CCDC178: variants seen among roughly 807,000 people sequenced by gnomAD.
CCDC178 encodes coiled-coil domain-containing protein 178.
A neutral mutation model predicts 117.4 loss-of-function variants in CCDC178; 126 were observed. The observed-to-expected ratio is 1.07, with a 90% CI of 0.93 to 1.24. The LOEUF is 1.24. Ranked by LOEUF, CCDC178 falls within the 50% of genes most tolerant of loss-of-function variation. CCDC178 has a pLI of 0.00. For missense variants in CCDC178, 1,030 were observed against 986.9 expected, an observed-to-expected ratio of 1.04 and a Z score of -0.59; for synonymous variants, 283 against 313.4, an observed-to-expected ratio of 0.90 and a Z score of 1.02.
At chr18:33,176,899 C>T (rs1181880126) in intron 20 of CCDC178, among the ~76,000 whole-genome samples, 1 of 152,166 alleles carries the variant, frequency 6.6e-6, no homozygotes, top group Non-Finnish European at 1.5e-5. Flanking sequence ...CTCAATGCTT[C>T]GTCTATGTTT....
At chr18:33,233,959 A>G (rs998043637) in intron 15 of CCDC178, among the ~76,000 whole-genome samples, 19 of 152,152 alleles carry the variant, frequency 1.2e-4, no homozygotes, top group African/African-American at 4.3e-4. Flanking sequence ...GGAAATACTG[A>G]AAAGTCAACT....
chr18:32,980,752 A>G (rs1568195484), intron 21 of CCDC178, among the ~76,000 whole-genome samples: 5 of 152,162 alleles, frequency 3.3e-5, no homozygotes, highest in Admixed American at 2.0e-4. Context: ...TAAAATTCAA[A>G]CTCATCATAT....
intron 14 of CCDC178, among the ~76,000 whole-genome samples, chr18:33,250,244 C>G (rs1456233879): frequency 6.6e-6 from 1 of 151,506 alleles, no homozygotes; most frequent in Non-Finnish European, 1.5e-5. Flanking sequence ...AAAAATAGGA[C>G]AAGTGTAAAG....
chr18:33,190,161 T>G (rs570805157), intron 20 of CCDC178, among the ~76,000 whole-genome samples: 21 of 152,316 alleles, frequency 1.4e-4, no homozygotes, highest in African/African-American at 4.8e-4. Context: ...GTACTTGGCT[T>G]CTTAGAATTT....
At chr18:33,076,262 C>T (rs2057205940) in intron 21 of CCDC178, among the ~76,000 whole-genome samples, 1 of 152,180 alleles carries the variant, frequency 6.6e-6, no homozygotes, top group Admixed American at 6.5e-5. Context: ...CCCAGACATC[C>T]ATGAATGACA....
At chr18:33,225,047 A>G (rs1372109028) in intron 16 of CCDC178, 111 bp from the exon 17 acceptor site, 1 of 577,390 alleles carries the variant, frequency 1.7e-6, no homozygotes, top group Non-Finnish European at 2.6e-6. Context: ...ATCAAATAAT[A>G]CAATAAATGT....
chr18:33,217,875 CTAA>C (rs1348441010), intron 18 of CCDC178, among the ~76,000 whole-genome samples: 1 of 151,964 alleles, frequency 6.6e-6, no homozygotes, highest in Admixed American at 6.6e-5. Context: ...AACTTTACCA[CTAA>C]TGAGTTATGT....
chr18:33,233,627 G>A (rs140839910), intron 15 of CCDC178, among the ~76,000 whole-genome samples: 103 of 151,902 alleles, frequency 6.8e-4, no homozygotes, highest in Middle Eastern at 3.4e-3. Context: ...CACGCTATAG[G>A]AGTATTTTTA....
intron 20 of CCDC178, among the ~76,000 whole-genome samples, chr18:33,102,917 T>C (rs1305905606): frequency 2.6e-5 from 4 of 151,954 alleles, no homozygotes; most frequent in African/African-American, 9.6e-5. Flanking sequence ...TCAGTCTCTT[T>C]TGCTTTACAG....
chr18:33,176,824 T>C (rs1006043804), intron 20 of CCDC178, among the ~76,000 whole-genome samples: 1 of 152,128 alleles, frequency 6.6e-6, no homozygotes, highest in African/African-American at 2.4e-5. Context: ...TTTGAGCTGT[T>C]GACATAGGAG....
chr18:33,199,163 T>C (rs183267805), intron 20 of CCDC178, among the ~76,000 whole-genome samples: 1 of 152,306 alleles, frequency 6.6e-6, no homozygotes, highest in East Asian at 1.9e-4. Flanking sequence ...TACAGACTGC[T>C]ACTTTATTAG....
intron 19 of CCDC178, 39 bp from the exon 20 acceptor site, chr18:33,212,094 C>T (rs912415627): frequency 1.4e-5 from 20 of 1,452,670 alleles, no homozygotes; most frequent in Non-Finnish European, 1.8e-5. Context: ...AATCAATTCA[C>T]ATTTTATTTT....
At chr18:33,152,095 G>A (rs567277053) in intron 20 of CCDC178, among the ~76,000 whole-genome samples, 1 of 152,190 alleles carries the variant, frequency 6.6e-6, no homozygotes, top group Non-Finnish European at 1.5e-5. Flanking sequence ...GTAATGGGAA[G>A]ATCTTAAAGT....
intron 21 of CCDC178, among the ~76,000 whole-genome samples, chr18:33,090,143 G>A (rs1383357657): frequency 1.3e-5 from 2 of 152,168 alleles, no homozygotes; most frequent in East Asian, 1.9e-4. Context: ...CATTTGAGAC[G>A]TGTATATAAG....
chr18:32,994,287 C>T (rs1421928834), intron 21 of CCDC178, among the ~76,000 whole-genome samples: 2 of 152,118 alleles, frequency 1.3e-5, no homozygotes, highest in Non-Finnish European at 2.9e-5. Flanking sequence ...ATTTCAGAAA[C>T]ATAAGTGCAT....
intron 18 of CCDC178, among the ~76,000 whole-genome samples, chr18:33,218,148 C>G (rs1437327928): frequency 2.0e-5 from 3 of 151,934 alleles, no homozygotes; most frequent in Admixed American, 6.6e-5. Context: ...CTCTCATGGC[C>G]CACATGCTTT....
intron 18 of CCDC178, among the ~76,000 whole-genome samples, chr18:33,217,543 T>A (rs971316252): frequency 6.6e-6 from 1 of 151,972 alleles, no homozygotes; most frequent in Non-Finnish European, 1.5e-5. Context: ...TTTTTTTAAA[T>A]CAAAATCATT....
intron 7 of CCDC178, among the ~76,000 whole-genome samples, chr18:33,353,851 A>T (rs766536463): frequency 6.6e-6 from 1 of 152,196 alleles, no homozygotes; most frequent in African/African-American, 2.4e-5. Context: ...ACTGGATTTT[A>T]TACTTACCTT....
At chr18:33,086,149 A>G (rs745768601) in intron 21 of CCDC178, among the ~76,000 whole-genome samples, 5 of 151,958 alleles carry the variant, frequency 3.3e-5, no homozygotes, top group Non-Finnish European at 7.4e-5. Flanking sequence ...TAAGTGATAA[A>G]AACAATACTA....
Sources: allele counts gnomAD v4.1 joint callset (sites outside exome capture counted in the v4.1 genomes callset), GRCh38; gene constraint gnomAD v4.1.1; transcripts MANE v1.5; gene names NCBI Gene and HGNC (gene_info 2026-07-23, HGNC 2026-07-21).